TMPRSS6: variants seen among roughly 807,000 people sequenced by gnomAD.
TMPRSS6 encodes transmembrane protease serine 6.
Under a neutral mutation model 101.5 loss-of-function variants are expected in TMPRSS6, and 67 were observed. The observed-to-expected ratio is 0.66, with a 90% CI of 0.54 to 0.81. The LOEUF (loss-of-function observed/expected upper bound fraction) is 0.81, where lower values mean the gene tolerates loss of function less well. Among genes scored for constraint, TMPRSS6 ranks in the 30% least tolerant of loss-of-function variants. TMPRSS6 has a pLI of 0.00. For synonymous variants in TMPRSS6, 453 were observed against 464.9 expected (o/e 0.97, Z 0.33); for missense variants, 1,034 against 1,088.7 (o/e 0.95, Z 0.71).
intron 11 of TMPRSS6, 140 bp downstream of exon 11, chr22:37,074,995 G>C: frequency 7.0e-7 from 1 of 1,437,430 alleles, no homozygotes; most frequent in South Asian, 1.2e-5. Context: ...ATTTGTGCAA[G>C]CACATACACA....
Position 37,089,561 on chromosome 22 carries a change from C to A in TMPRSS6, c.836+17G>T. On this transcript the variant is annotated intron_variant, in intron 7 of 17. Coordinates refer to ENST00000676104, the MANE Select transcript of TMPRSS6 (RefSeq NM_001374504.1). The stretch of plus-strand genomic sequence containing the variant: ...CTTTTCCAGCCCTCCCTCCTGCCCT[C>A]CTTCCCAGGGACTCACGAGGTGATG... 1 of 1,566,302 alleles carries A rather than the reference C, an allele frequency of 6.4e-7. No individual in the cohort carries two copies. The highest frequency in any genetic ancestry group is 8.7e-7 in the Non-Finnish European group (1 of 1,144,344).
chr22:37,067,962 T>C (rs1011947418), intron 16 of TMPRSS6, among the ~76,000 whole-genome samples: 1 of 99,998 alleles, frequency 1.0e-5, no homozygotes, highest in Non-Finnish European at 2.1e-5. Context: ...TCTTGGCACC[T>C]GTGTCTTCAC....
rs1930338513 is a variant in TMPRSS6, at chr22:37,101,843, T to TA, written c.202+1372dup. Reference sequence around the variant, plus strand: ...GTGCCCCGTGGTTTACCCTGTAGACTAATTAGCCCGCTACCTGAGGAGGCC... The same window carrying TA: ...GTGCCCCGTGGTTTACCCTGTAGACTAAATTAGCCCGCTACCTGAGGAGGCC... On this transcript the variant is annotated intron_variant, in intron 2 of 17. Transcript: ENST00000676104. The surrounding 1 kb of genome is among the most constrained non-coding windows in gnomAD (Gnocchi z 4.1). Among the ~76,000 whole-genome samples, 1 of 152,200 alleles carries TA rather than the reference T, an allele frequency of 6.6e-6. No individual in the cohort carries two copies. The highest frequency in any genetic ancestry group is 2.1e-4 in the South Asian group (1 of 4,834).
chr22:37,099,103 T>C (rs1930073390), intron 2 of TMPRSS6, among the ~76,000 whole-genome samples: 1 of 152,212 alleles, frequency 6.6e-6, no homozygotes, highest in Non-Finnish European at 1.5e-5. Context: ...CAGGGAGCAG[T>C]GCCACATGGT....
chr22:37,090,014 T>A (rs1436034861), intron 6 of TMPRSS6, among the ~76,000 whole-genome samples: 2 of 152,234 alleles, frequency 1.3e-5, no homozygotes, highest in Admixed American at 6.5e-5. Flanking sequence ...CACACTGAGC[T>A]TCACGCCTTC....
chr22:37,092,792 G>A (rs1008690752), intron 6 of TMPRSS6, among the ~76,000 whole-genome samples: 17 of 152,206 alleles, frequency 1.1e-4, no homozygotes, highest in African/African-American at 3.9e-4. Flanking sequence ...CACCACGCCC[G>A]GCCCATGCCC....
rs770286012 is a variant in TMPRSS6 at position 37,070,980 on chromosome 22, C to G, written c.1608G>C (p.Lys536Asn). The G allele has an allele frequency of 1.1e-5, 18 of 1,613,314 alleles. No homozygotes were observed. Among genetic ancestry groups the G allele is most frequent in the Non-Finnish European group, 1.4e-5 (17 of 1,179,946 alleles). ...GCCCATCACACTGCGGGTTGGGCTTCTTCACGCAGCTCCGGTCCTCACACT... is the reference window on the plus strand; with the variant it reads ...GCCCATCACACTGCGGGTTGGGCTTGTTCACGCAGCTCCGGTCCTCACACT... Reference protein sequence around the residue: ...TFQCEDRSCVKKPNPQCDGRP... With the variant: ...TFQCEDRSCVNKPNPQCDGRP... Residue 536 changes from lysine to asparagine, a missense_variant, in exon 14 of 18, where the codon AAG becomes AAC. Coordinates refer to ENST00000676104, the MANE Select transcript of TMPRSS6 (RefSeq NM_001374504.1).
intron 10 of TMPRSS6, among the ~76,000 whole-genome samples, chr22:37,075,507 C>T (rs1489770569): frequency 1.3e-5 from 2 of 152,098 alleles, no homozygotes; most frequent in East Asian, 1.9e-4. Flanking sequence ...CTCCCCATTG[C>T]CTGCCAGATA....
intron 10 of TMPRSS6, among the ~76,000 whole-genome samples, chr22:37,083,541 T>A (rs775954407): frequency 2.0e-5 from 3 of 152,234 alleles, no homozygotes; most frequent in Non-Finnish European, 2.9e-5. Context: ...ATACACCCTG[T>A]CTCTGTTTCC....
At position 37,069,438 on chromosome 22, in the gene TMPRSS6, C is replaced by T. The variant is rs114614213; in HGVS notation, c.1842-94G>A. The T allele has an allele frequency of 8.4e-4, 1,053 of 1,258,490 alleles. 9 individuals are homozygous for T. In the African/African-American group the frequency reaches 0.014, roughly 17 times the overall value. The allele number at this position is 1,258,490 out of a possible 1,614,324, so 78.0% of individuals were successfully genotyped here. A position where few individuals can be genotyped will look rare whatever the true frequency, so the allele number is the denominator to read the frequency against. On this transcript the variant is annotated intron_variant, in intron 15 of 17. Transcript: ENST00000676104. The surrounding 1 kb of genome is among the most constrained non-coding windows in gnomAD (Gnocchi z 4.8). ...GGGACCCTCAAGATAGCCAGATCCCCGCCCGGGACAGTGCCCTCCACACCC... is the reference window on the plus strand; with the variant it reads ...GGGACCCTCAAGATAGCCAGATCCCTGCCCGGGACAGTGCCCTCCACACCC...
Position 37,075,266 on chromosome 22 carries a change from C to T in TMPRSS6, c.1211G>A (p.Arg404His), listed in dbSNP as rs771131901. Residue 404 changes from arginine to histidine, a missense_variant, in exon 11 of 18, where the codon CGC (arginine) becomes CAC (histidine). Arg to His is a conservative substitution (Grantham distance 29). Transcript: ENST00000676104. ...TIQNRRLCGL[R>H]ILQPYAERIP... ...CCTCTCGGCGTAGGGCTGCAGGATG[C>T]GCAAGCCACACAGCCTGGGGGGAGT... 2.5e-5 allele frequency: 41 copies of T among 1,613,336 alleles called. No individual in the cohort carries two copies. The highest frequency in any genetic ancestry group is 1.0e-4 in the Admixed American group (6 of 60,006).
rs372585015 is a variant in TMPRSS6, at chr22:37,103,340, C to G, written c.78G>C (p.Gly26=). The change falls in exon 2 of 18, where the codon GGG becomes GGC. Residue 26 remains glycine, a synonymous_variant. Transcript: ENST00000676104. This position sits in a 1 kb window ranked among gnomAD's most constrained non-coding sequence, Gnocchi z 4.4. ...TGGAGTCCTCACAGGCCTTGAACAT[C>G]CCCTCCGGCTCCGCTTCCTCGCCAT... ...GGDGEEAEPE[G]MFKACEDSKR... 58 of 1,614,102 alleles carry G rather than the reference C, an allele frequency of 3.6e-5. No homozygotes were observed. The highest frequency in any genetic ancestry group is 4.8e-5 in the Non-Finnish European group (57 of 1,180,036).
chr22:37,075,013 ACACTCT>A (rs889777261), intron 11 of TMPRSS6, 116 bp downstream of exon 11: 11 of 1,506,168 alleles, frequency 7.3e-6, no homozygotes, highest in African/African-American at 6.9e-5. Context: ...ACACACACAC[ACACTCT>A]CTCTCTCCTT....
chr22:37,065,967 CA>C lies in TMPRSS6; in HGVS notation c.*112del, dbSNP rs1926234316. 1 of 1,414,480 alleles carries C rather than the reference CA, an allele frequency of 7.1e-7. No homozygotes were observed. Among genetic ancestry groups the C allele is most frequent in the Non-Finnish European group, 9.9e-7 (1 of 1,013,804 alleles). The allele number at this position is 1,414,480 out of a possible 1,614,324, so 87.6% of individuals were successfully genotyped here. A position where few individuals can be genotyped will look rare whatever the true frequency, so the allele number is the denominator to read the frequency against. On this transcript the variant is annotated 3_prime_UTR_variant, in exon 18 of 18. Transcript: ENST00000676104. ...GACAAGATGCCACCTCCTGCCACCA[CA>C]GGGCCTGCTCTCTCCCCCACCCCCC...
At chr22:37,075,376 G>C in intron 10 of TMPRSS6, 96 bp from the exon 11 acceptor site, 1 of 1,532,548 alleles carries the variant, frequency 6.5e-7, no homozygotes, top group Non-Finnish European at 8.9e-7. Flanking sequence ...GGGGCAGGGG[G>C]AGCTGCACGC....
chr22:37,077,572 T>C (rs1009828697), intron 10 of TMPRSS6, among the ~76,000 whole-genome samples: 3 of 152,192 alleles, frequency 2.0e-5, no homozygotes, highest in Admixed American at 6.5e-5. Flanking sequence ...GACTGATGTG[T>C]GACATCGGGA....
chr22:37,090,758 G>T (rs896413057), intron 6 of TMPRSS6, among the ~76,000 whole-genome samples: 1 of 151,846 alleles, frequency 6.6e-6, no homozygotes, highest in East Asian at 1.9e-4. Context: ...TTGCAGGGCC[G>T]CCAGCAGAGG....
chr22:37,080,437 A>G (rs901466514), intron 10 of TMPRSS6, among the ~76,000 whole-genome samples: 6 of 152,252 alleles, frequency 3.9e-5, no homozygotes, highest in African/African-American at 1.4e-4. Context: ...ATTCTGGGCC[A>G]AAGGGCTGTA....
intron 16 of TMPRSS6, 76 bp from the exon 17 acceptor site, chr22:37,067,038 C>T (rs1445218604): frequency 7.5e-6 from 12 of 1,598,598 alleles, no homozygotes; most frequent in African/African-American, 4.0e-5. Context: ...AACATTATTC[C>T]CTTTGCATCT....
Sources: allele counts gnomAD v4.1 joint callset (sites outside exome capture counted in the v4.1 genomes callset), GRCh38; gene constraint gnomAD v4.1.1; non-coding constraint Gnocchi (gnomAD v3.1); transcripts MANE v1.5; gene names NCBI Gene and HGNC (gene_info 2026-07-23, HGNC 2026-07-21).